The following KLF8 variants were observed in gnomAD, a reference collection of about 807,000 sequenced individuals.
KLF8 encodes KLF transcription factor 8, also known as Krueppel-like factor 8.
In KLF8, 10 loss-of-function variants were observed where a neutral mutation model predicts 18.2. The observed-to-expected ratio is 0.55, with a 90% CI of 0.34 to 0.93. The LOEUF is 0.93. KLF8 is among the 40% of genes least tolerant of loss of function. KLF8 has a pLI of 0.02. For missense variants in KLF8, 264 were observed against 277.9 expected (o/e 0.95, Z 0.36); for synonymous variants, 109 against 97.3 (o/e 1.12, Z -0.71).
the KLF8 span, among the ~76,000 whole-genome samples, chrX:56,019,432 ACTGT>A: frequency 1.8e-5 from 2 of 112,329 alleles, no homozygotes; most frequent in South Asian, 3.7e-4. Context: ...TTTTTCGTTG[ACTGT>A]CTATTTTAAA....
At chrX:56,215,720 G>T in the KLF8 span, among the ~76,000 whole-genome samples, 1 of 103,846 alleles carries the variant, frequency 9.6e-6, no homozygotes, top group Non-Finnish European at 1.9e-5. Flanking sequence ...CTACTCAGGA[G>T]GCTGAGGCAG....
At chrX:56,161,574 T>G in the KLF8 span, among the ~76,000 whole-genome samples, 2 of 112,332 alleles carry the variant, frequency 1.8e-5, no homozygotes, top group Non-Finnish European at 3.8e-5. Context: ...TACTGATGCT[T>G]GTGCATTCGT....
chrX:56,069,848 C>A, the KLF8 span, among the ~76,000 whole-genome samples: 2 of 112,481 alleles, frequency 1.8e-5, no homozygotes, highest in Non-Finnish European at 3.8e-5. Flanking sequence ...TGTGACGATT[C>A]CTCAAGGATC....
chrX:56,043,200 G>T, the KLF8 span, among the ~76,000 whole-genome samples: 1 of 110,663 alleles, frequency 9.0e-6, no homozygotes, highest in East Asian at 2.8e-4. Flanking sequence ...TAATCTGATA[G>T]GCTTCCCTTT....
At chrX:55,999,727 A>G in the KLF8 span, among the ~76,000 whole-genome samples, 1 of 111,363 alleles carries the variant, frequency 9.0e-6, no homozygotes, top group Admixed American at 9.5e-5. Flanking sequence ...GAATTCATTT[A>G]TCAAATTTAG....
At chrX:56,236,962 G>GAT (rs3052513) in intron 1 of KLF8, among the ~76,000 whole-genome samples, 25,738 of 93,022 alleles carry the variant, frequency 0.28, 3,106 homozygotes, top group African/African-American at 0.37. Flanking sequence ...TAGATAGATG[G>GAT]ATATATATAT....
chrX:56,157,878 G>GAA, the KLF8 span, among the ~76,000 whole-genome samples: 2 of 111,584 alleles, frequency 1.8e-5, no homozygotes, highest in African/African-American at 6.5e-5. Context: ...TTGCTGTGCA[G>GAA]AAGCTCTTGA....
the KLF8 span, among the ~76,000 whole-genome samples, chrX:56,132,589 G>A: frequency 3.6e-5 from 4 of 109,943 alleles, no homozygotes; most frequent in Non-Finnish European, 7.6e-5. Context: ...AGAGAAATAA[G>A]AACAAATCTT....
upstream of KLF8, among the ~76,000 whole-genome samples, chrX:56,231,543 C>T (rs903297811): frequency 9.0e-6 from 1 of 111,617 alleles, no homozygotes; most frequent in African/African-American, 3.3e-5. Flanking sequence ...CCTCCCTCTG[C>T]TTTGTTTCTT....
the KLF8 span, among the ~76,000 whole-genome samples, chrX:56,080,508 A>C: frequency 1.8e-5 from 2 of 111,669 alleles, no homozygotes; most frequent in East Asian, 2.8e-4. Flanking sequence ...GGGTTTCTGC[A>C]GAGAGATCCA....
chrX:56,275,044 C>T (rs149467826), intron 5 of KLF8, among the ~76,000 whole-genome samples: 2,508 of 110,877 alleles, frequency 0.023, 83 homozygotes, highest in African/African-American at 0.077. Context: ...AGAGGATTGT[C>T]GTTAATATTT....
the KLF8 span, among the ~76,000 whole-genome samples, chrX:55,913,152 G>A: frequency 1.8e-5 from 2 of 111,730 alleles, no homozygotes; most frequent in African/African-American, 6.5e-5. Context: ...GTTACTTAAT[G>A]ATCTGTCATG....
the KLF8 span, among the ~76,000 whole-genome samples, chrX:56,037,105 A>T: frequency 2.8e-5 from 3 of 108,800 alleles, no homozygotes; most frequent in African/African-American, 1.0e-4. Context: ...GCAAACATGT[A>T]CAATTTGACA....
chrX:56,126,658 C>T, the KLF8 span, among the ~76,000 whole-genome samples: 1 of 110,866 alleles, frequency 9.0e-6, no homozygotes, highest in Non-Finnish European at 1.9e-5. Flanking sequence ...TTCAGAGCAA[C>T]TTTGCACTTG....
the KLF8 span, among the ~76,000 whole-genome samples, chrX:56,209,933 T>C: frequency 8.9e-6 from 1 of 112,337 alleles, no homozygotes; most frequent in Non-Finnish European, 1.9e-5. Flanking sequence ...AAAACTGTAC[T>C]TTTTAAGTTT....
chrX:55,938,250 C>A, the KLF8 span, among the ~76,000 whole-genome samples: 1 of 111,465 alleles, frequency 9.0e-6, no homozygotes, highest in Non-Finnish European at 1.9e-5. Flanking sequence ...ATTTTCAACC[C>A]AGAATTTCAT....
At chrX:55,961,493 T>A in the KLF8 span, 1 of 550,195 alleles carries the variant, frequency 1.8e-6, no homozygotes, top group Non-Finnish European at 3.4e-6. Context: ...AAAGAATACC[T>A]GCCCATTGGG....
the KLF8 span, among the ~76,000 whole-genome samples, chrX:56,032,531 T>C: frequency 8.9e-6 from 1 of 111,929 alleles, no homozygotes; most frequent in Non-Finnish European, 1.9e-5. Context: ...TGATAAGATC[T>C]CTTTCACTGC....
the KLF8 span, among the ~76,000 whole-genome samples, chrX:55,959,720 C>A: frequency 9.0e-6 from 1 of 111,377 alleles, no homozygotes; most frequent in African/African-American, 3.3e-5. Context: ...TGAATGAAAC[C>A]TCCAAGAAAT....
Sources: gnomAD v4.1 joint callset for allele counts (sites outside exome capture counted in the v4.1 genomes callset) on GRCh38, gnomAD v4.1.1 for gene constraint, MANE v1.5 for transcripts, NCBI Gene and HGNC (gene_info 2026-07-23, HGNC 2026-07-21) for gene names.